INSL6: variants seen among roughly 807,000 people sequenced by gnomAD.
INSL6 encodes the protein insulin like 6.
A neutral mutation model predicts 9.4 loss-of-function variants in INSL6; 16 were observed. The ratio of observed to expected loss-of-function variants is 1.70; its 90% CI spans 1.15 to 2.59. The LOEUF (loss-of-function observed/expected upper bound fraction) is 2.59, where lower values mean the gene tolerates loss of function less well. Among genes scored for constraint, INSL6 ranks in the 30% most tolerant of loss-of-function variants. The pLI, the probability that INSL6 is intolerant of heterozygous loss-of-function variation, is 0.00. For missense variants in INSL6, 391 were observed against 257.3 expected, an observed-to-expected ratio of 1.52 and a Z score of -3.56; for synonymous variants, 154 against 96.9, an observed-to-expected ratio of 1.59 and a Z score of -3.46.
At chr9:5,045,796 A>G in the INSL6 span, among the ~76,000 whole-genome samples, 61 of 152,252 alleles carry the variant, frequency 4.0e-4, no homozygotes, top group African/African-American at 1.4e-3. Context: ...TGTATACTGC[A>G]TTTTATTTGT....
chr9:5,099,451 AATC>A, the INSL6 span: 1 of 152,372 alleles, frequency 6.6e-6, no homozygotes, highest in South Asian at 2.1e-4. Context: ...TCCTGTCAAT[AATC>A]ATAACTTTAT....
At chr9:5,006,059 C>T in the INSL6 span, among the ~76,000 whole-genome samples, 2 of 152,146 alleles carry the variant, frequency 1.3e-5, no homozygotes, top group Non-Finnish European at 2.9e-5. Context: ...ATGGGGATGG[C>T]ATTGAATCTA....
At chr9:5,091,092 A>T in the INSL6 span, 1 of 479,718 alleles carries the variant, frequency 2.1e-6, no homozygotes, top group African/African-American at 2.0e-5. Context: ...CACGTGGGAA[A>T]ATGGCATATG....
At chr9:5,174,034 A>G (rs1041532836) in intron 1 of INSL6, among the ~76,000 whole-genome samples, 4 of 152,202 alleles carry the variant, frequency 2.6e-5, no homozygotes, top group African/African-American at 9.6e-5. Flanking sequence ...GATGAACTAT[A>G]CACTCTAAAG....
the INSL6 span, among the ~76,000 whole-genome samples, chr9:5,051,359 T>C: frequency 1.2e-4 from 18 of 152,250 alleles, no homozygotes; most frequent in African/African-American, 4.3e-4. Flanking sequence ...GATCCTCCAG[T>C]TGGCTATATA....
At chr9:5,030,729 C>T in the INSL6 span, among the ~76,000 whole-genome samples, 1 of 151,982 alleles carries the variant, frequency 6.6e-6, no homozygotes, top group Non-Finnish European at 1.5e-5. Context: ...TCACTTGGTG[C>T]TCTCTCAATA....
chr9:5,138,577 G>C (rs1824430462), intron 2 of INSL6, among the ~76,000 whole-genome samples: 1 of 151,966 alleles, frequency 6.6e-6, no homozygotes, highest in African/African-American at 2.4e-5. Context: ...CACCTGGCCT[G>C]TTGGGCAGTG....
At chr9:5,177,076 G>A (rs1314949547) in intron 1 of INSL6, among the ~76,000 whole-genome samples, 1 of 152,076 alleles carries the variant, frequency 6.6e-6, no homozygotes, top group African/African-American at 2.4e-5. Flanking sequence ...CAATGGGGTC[G>A]GGGGGAGTTG....
chr9:5,124,772 G>T (rs1823868083), intron 3 of INSL6, among the ~76,000 whole-genome samples: 1 of 151,506 alleles, frequency 6.6e-6, no homozygotes, highest in Admixed American at 6.6e-5. Context: ...ATAGCCAACT[G>T]ATCTTTGACA....
At chr9:5,179,094 G>C (rs925132793) in intron 1 of INSL6, among the ~76,000 whole-genome samples, 1 of 148,652 alleles carries the variant, frequency 6.7e-6, no homozygotes, top group African/African-American at 2.5e-5. Context: ...CAGAATGGGA[G>C]AAAATTTCTG....
chr9:5,097,444 A>T, the INSL6 span: 65 of 152,320 alleles, frequency 4.3e-4, no homozygotes, highest in African/African-American at 1.4e-3. Flanking sequence ...TTACTCTGGA[A>T]AAAAGGAGCC....
the INSL6 span, among the ~76,000 whole-genome samples, chr9:5,052,825 A>T: frequency 6.6e-6 from 1 of 152,058 alleles, no homozygotes; most frequent in Non-Finnish European, 1.5e-5. Flanking sequence ...ATGTATCAGT[A>T]CTTCATTTCT....
At chr9:5,112,899 G>A in the INSL6 span, 1 of 326,086 alleles carries the variant, frequency 3.1e-6, no homozygotes, top group Non-Finnish European at 5.4e-6. Flanking sequence ...CCGTGGGCTG[G>A]GCCCAGAACG....
chr9:5,181,500 A>C (rs1449328258), intron 1 of INSL6, among the ~76,000 whole-genome samples: 2 of 152,218 alleles, frequency 1.3e-5, no homozygotes, highest in African/African-American at 4.8e-5. Context: ...TACCGAGACC[A>C]GAACTAAAAA....
At chr9:5,108,051 C>G in the INSL6 span, 1 of 152,056 alleles carries the variant, frequency 6.6e-6, no homozygotes, top group African/African-American at 2.4e-5. Context: ...TGTTTTTTAA[C>G]CAATTCAACA....
At chr9:5,104,769 A>C in the INSL6 span, among the ~76,000 whole-genome samples, 1 of 152,182 alleles carries the variant, frequency 6.6e-6, no homozygotes, top group Non-Finnish European at 1.5e-5. Context: ...CAAATCAATA[A>C]ACGTAATCCA....
chr9:5,168,774 T>C (rs747567996), intron 1 of INSL6, among the ~76,000 whole-genome samples: 1 of 149,606 alleles, frequency 6.7e-6, no homozygotes, highest in Non-Finnish European at 1.5e-5. Flanking sequence ...CAATGACATA[T>C]AATCATCAGT....
At position 5,185,412 on chromosome 9, in the gene INSL6, A is replaced by G. The variant is rs1217263780; in HGVS notation, c.191T>C (p.Leu64Ser). The change falls in exon 1 of 2, where the codon TTG becomes TCG. Residue 64 changes from leucine (L) to serine (S), a missense_variant. Leu to Ser is a moderately radical substitution (Grantham distance 145, BLOSUM62 -2). Transcript: ENST00000381641. ...GACCTTCTCCGAGGCCTGTGCAATC[A>G]ACCGTGAGAAAGGGGTTTCCTCCTC... Reference protein sequence around the residue: ...RFEEETPFSRLIAQASEKVEA... With the variant: ...RFEEETPFSRSIAQASEKVEA... 1 of 1,614,028 alleles carries G rather than the reference A, an allele frequency of 6.2e-7. No homozygotes were observed. Among genetic ancestry groups the G allele is most frequent in the African/African-American group, 1.3e-5 (1 of 74,924 alleles).
chr9:5,028,697 T>A, the INSL6 span, among the ~76,000 whole-genome samples: 20 of 152,240 alleles, frequency 1.3e-4, no homozygotes, highest in African/African-American at 4.3e-4. Context: ...CAACACTTGC[T>A]GCTTCACCTT....
Sources: gnomAD v4.1 joint callset for allele counts (sites outside exome capture counted in the v4.1 genomes callset) on GRCh38, gnomAD v4.1.1 for gene constraint, MANE v1.5 for transcripts, NCBI Gene and HGNC (gene_info 2026-07-23, HGNC 2026-07-21) for gene names.